Variants in ADTRP observed in about 807,000 individuals in gnomAD.
The protein encoded by ADTRP is androgen dependent TFPI regulating protein, also known as androgen-dependent TFPI-regulating protein.
Under a neutral mutation model 27.0 loss-of-function variants are expected in ADTRP, and 20 were observed. The observed-to-expected ratio is 0.74, with a 90% CI of 0.52 to 1.08. ADTRP has a LOEUF of 1.08. Ranked by LOEUF, ADTRP falls within the 50% of genes least tolerant of loss-of-function variation. The pLI is 0.00. For missense variants in ADTRP, 251 were observed against 275.0 expected (o/e 0.91, Z 0.62); for synonymous variants, 101 against 105.2 (o/e 0.96, Z 0.25).
At chr6:11,763,636 C>T (rs1763461946) in intron 3 of ADTRP, among the ~76,000 whole-genome samples, 1 of 152,198 alleles carries the variant, frequency 6.6e-6, no homozygotes, top group African/African-American at 2.4e-5. Flanking sequence ...TGGACAGGCA[C>T]TGGCAAAATG....
chr6:11,727,959 CAGGG>C (rs1439929555), intron 4 of ADTRP, among the ~76,000 whole-genome samples: 55 of 91,728 alleles, frequency 6.0e-4, no homozygotes, highest in African/African-American at 2.1e-3. Flanking sequence ...GGAAGGGAGG[CAGGG>C]AGGGAGGGAG....
intron 3 of ADTRP, among the ~76,000 whole-genome samples, chr6:11,739,368 T>C (rs1762647166): frequency 1.3e-5 from 2 of 152,178 alleles, no homozygotes; most frequent in African/African-American, 4.8e-5. Context: ...TTTTGGTAGA[T>C]TTTCCTTTAA....
chr6:11,719,608 T>G (rs1761946585), intron 5 of ADTRP, among the ~76,000 whole-genome samples: 1 of 152,218 alleles, frequency 6.6e-6, no homozygotes, highest in Non-Finnish European at 1.5e-5. Context: ...ATACTTCGCC[T>G]GATGTTCTTG....
intron 4 of ADTRP, among the ~76,000 whole-genome samples, chr6:11,725,868 C>G (rs1472409952): frequency 8.0e-6 from 1 of 125,016 alleles, no homozygotes; most frequent in Non-Finnish European, 1.6e-5. Context: ...CCACTGCACT[C>G]CAGCCTGGGC....
At chr6:11,771,136 T>C (rs750460128) in intron 1 of ADTRP, among the ~76,000 whole-genome samples, 1 of 152,148 alleles carries the variant, frequency 6.6e-6, no homozygotes, top group South Asian at 2.1e-4. Context: ...ACTCAGATCC[T>C]CCGGGCCTTC....
At chr6:11,762,860 C>T (rs1294186780) in intron 3 of ADTRP, among the ~76,000 whole-genome samples, 1 of 152,214 alleles carries the variant, frequency 6.6e-6, no homozygotes, top group Non-Finnish European at 1.5e-5. Context: ...CCCAGCTCCC[C>T]TCGGGTTAGG....
At chr6:11,735,330 A>G (rs1267725225) in intron 4 of ADTRP, among the ~76,000 whole-genome samples, 1 of 152,210 alleles carries the variant, frequency 6.6e-6, no homozygotes, top group Non-Finnish European at 1.5e-5. Flanking sequence ...CGAGAGAGAG[A>G]GGGGAAGTTG....
chr6:11,769,927 G>T, intron 1 of ADTRP: 3 of 1,260,956 alleles, frequency 2.4e-6, no homozygotes, highest in Non-Finnish European at 3.4e-6. Flanking sequence ...TACTTGGTAT[G>T]TGCCAGGCAC....
rs183925793 is a variant in ADTRP, at chr6:11,750,880, C to A, written c.391-15197G>T. 2.0e-3 allele frequency among the ~76,000 whole-genome samples: 298 copies of A among 152,284 alleles called. 1 individual carries two copies. The highest frequency in any genetic ancestry group is 0.015 in the South Asian group (71 of 4,822). On this transcript the variant is annotated intron_variant, in intron 3 of 5. Coordinates refer to ENST00000414691, the MANE Select transcript of ADTRP (RefSeq NM_032744.4). ...TATTTATTTACTTTGAGATAAGAACCTTGCTGAATCGCCCAGGCCGGATTG... is the reference window on the plus strand; with the variant it reads ...TATTTATTTACTTTGAGATAAGAACATTGCTGAATCGCCCAGGCCGGATTG...
chr6:11,778,709 A>G lies in ADTRP; in HGVS notation c.51T>C (p.Tyr17=), dbSNP rs746390987. Residue 17 remains tyrosine, a synonymous_variant, in exon 1 of 6, where the codon TAT becomes TAC. Transcript: ENST00000414691. ...CIYHFLVLSW[Y]TFLNYYISQE... is the part of the protein sequence containing the mutation. ...GTGAGATGTAATAATTGAGGAAAGT[A>G]TACCAGCTCAGAACAAGGAAGTGGT... 8.7e-6 allele frequency: 14 copies of G among 1,614,120 alleles called. No individual in the cohort carries two copies. Among genetic ancestry groups the G allele is most frequent in the Middle Eastern group, 3.3e-4 (2 of 6,084 alleles).
At chr6:11,715,860 G>T (rs1308520694) in intron 5 of ADTRP, among the ~76,000 whole-genome samples, 1 of 122,588 alleles carries the variant, frequency 8.2e-6, no homozygotes, top group East Asian at 2.8e-4. Context: ...TAGATACAGG[G>T]TCTCACTATG....
At chr6:11,724,755 A>C (rs982714593) in intron 4 of ADTRP, among the ~76,000 whole-genome samples, 3 of 152,212 alleles carry the variant, frequency 2.0e-5, no homozygotes, top group Admixed American at 6.5e-5. Flanking sequence ...CTCAATGTGT[A>C]AAGTGAAGAT....
At chr6:11,752,199 T>C (rs1171821678) in intron 3 of ADTRP, among the ~76,000 whole-genome samples, 1 of 152,248 alleles carries the variant, frequency 6.6e-6, no homozygotes, top group Non-Finnish European at 1.5e-5. Context: ...TTTCCATTAC[T>C]TTCTTGTTGG....
chr6:11,778,477 C>A, intron 1 of ADTRP, 130 bp downstream of exon 1: 1 of 1,314,576 alleles, frequency 7.6e-7, no homozygotes, highest in Non-Finnish European at 1.0e-6. Flanking sequence ...AAACCCAAAA[C>A]TCACAAAACG....
chr6:11,720,348 G>T (rs938475521), intron 5 of ADTRP, among the ~76,000 whole-genome samples: 1 of 152,218 alleles, frequency 6.6e-6, no homozygotes, highest in Non-Finnish European at 1.5e-5. Flanking sequence ...AGCAGGAATA[G>T]ACAGGGATCA....
chr6:11,767,009 A>G (rs1446713928), intron 2 of ADTRP, among the ~76,000 whole-genome samples: 1 of 152,214 alleles, frequency 6.6e-6, no homozygotes, highest in Non-Finnish European at 1.5e-5. Context: ...TGATCTTCCT[A>G]TCTTCTGACA....
At chr6:11,752,293 T>C (rs1371727298) in intron 3 of ADTRP, among the ~76,000 whole-genome samples, 1 of 152,190 alleles carries the variant, frequency 6.6e-6, no homozygotes, top group African/African-American at 2.4e-5. Context: ...TTTTTCATGT[T>C]ACGGTTTCGC....
rs1272951444 is a variant in ADTRP at position 11,713,938 on chromosome 6, G to A, written c.*540C>T. ...GATGAGCAACCCATGAAAATAACTAGCTTACTGAAATGCTTGTCTTTTAAA... is the reference window on the plus strand; with the variant it reads ...GATGAGCAACCCATGAAAATAACTAACTTACTGAAATGCTTGTCTTTTAAA... On this transcript the variant is annotated 3_prime_UTR_variant, in exon 6 of 6. Transcript: ENST00000414691. The A allele has an allele frequency of 6.6e-6, 1 of 151,536 alleles. No individual in the cohort carries two copies. Among genetic ancestry groups the A allele is most frequent in the Admixed American group, 6.6e-5 (1 of 15,146 alleles). The allele number at this position is 151,536 out of a possible 1,614,324, so 9.4% of individuals were successfully genotyped here. A position where few individuals can be genotyped will look rare whatever the true frequency, so the allele number is the denominator to read the frequency against.
intron 1 of ADTRP, among the ~76,000 whole-genome samples, chr6:11,776,640 A>G (rs1465505837): frequency 1.3e-5 from 2 of 152,194 alleles, no homozygotes; most frequent in Non-Finnish European, 2.9e-5. Context: ...GAAAGAAGCA[A>G]TGTGGTGGAG....
Sources: gnomAD v4.1 joint callset for allele counts (sites outside exome capture counted in the v4.1 genomes callset) on GRCh38, gnomAD v4.1.1 for gene constraint, MANE v1.5 for transcripts, NCBI Gene and HGNC (gene_info 2026-07-23, HGNC 2026-07-21) for gene names.